The following RALYL variants were observed in gnomAD, a reference collection of about 807,000 sequenced individuals.
The protein encoded by RALYL is RALY RNA binding protein like, also known as RNA-binding Raly-like protein.
A neutral mutation model predicts 35.1 loss-of-function variants in RALYL; 29 were observed. That is an observed-to-expected ratio of 0.83 (90% confidence interval 0.61 to 1.13). The LOEUF is 1.13. RALYL is among the 50% of genes most tolerant of loss of function. RALYL has a pLI of 0.00. For missense variants in RALYL, 359 were observed against 360.4 expected, an observed-to-expected ratio of 1.00 and a Z score of 0.03; for synonymous variants, 120 against 127.6, an observed-to-expected ratio of 0.94 and a Z score of 0.40.
In RALYL at chr8:84,620,546, C is replaced by T. The variant is rs529399091; in HGVS notation, c.256+90969C>T. On this transcript the variant is annotated intron_variant, in intron 2 of 8. Coordinates refer to ENST00000521268, the MANE Select transcript of RALYL (RefSeq NM_173848.7). ...TCTTTGCCTTTGGTTTGAATGTCCTCCCGTAGCTCAGAGTAATTTGATCAT... is the reference window on the plus strand; with the variant it reads ...TCTTTGCCTTTGGTTTGAATGTCCTTCCGTAGCTCAGAGTAATTTGATCAT... 5.1e-4 allele frequency among the ~76,000 whole-genome samples: 77 copies of T among 152,232 alleles called. 1 individual carries two copies. In the East Asian group the frequency reaches 0.013, roughly 26 times the overall value.
rs183286648 is a variant in RALYL, at chr8:84,612,549, A to G, written c.256+82972A>G. On this transcript the variant is annotated intron_variant, in intron 2 of 8. Coordinates refer to ENST00000521268, the MANE Select transcript of RALYL (RefSeq NM_173848.7). ...GAAAATAGATCCAGCCTGTTACTCTACTCCAGAAGAGAGATGTGCAAGGAC... is the reference window on the plus strand; with the variant it reads ...GAAAATAGATCCAGCCTGTTACTCTGCTCCAGAAGAGAGATGTGCAAGGAC... 9.6e-4 allele frequency among the ~76,000 whole-genome samples: 146 copies of G among 151,932 alleles called. 1 individual carries two copies. Among genetic ancestry groups the G allele is most frequent in the African/African-American group, 3.3e-3 (137 of 41,366 alleles).
intron 4 of RALYL, among the ~76,000 whole-genome samples, chr8:84,840,348 C>T (rs1832960243): frequency 6.6e-6 from 1 of 151,976 alleles, no homozygotes; most frequent in Non-Finnish European, 1.5e-5. Flanking sequence ...CCGATTTGAT[C>T]AACTGGAAGA....
At chr8:84,512,740 G>T (rs1372517350) in intron 1 of RALYL, among the ~76,000 whole-genome samples, 1 of 152,116 alleles carries the variant, frequency 6.6e-6, no homozygotes. Context: ...TCATACTTCT[G>T]CATATGGATG....
intron 2 of RALYL, among the ~76,000 whole-genome samples, chr8:84,724,424 A>G (rs1207283885): frequency 6.6e-6 from 1 of 151,844 alleles, no homozygotes; most frequent in East Asian, 1.9e-4. Flanking sequence ...TTTGTTAAAG[A>G]TATTTGGCTA....
intron 1 of RALYL, among the ~76,000 whole-genome samples, chr8:84,347,065 G>T (rs1016758416): frequency 3.3e-5 from 5 of 151,898 alleles, no homozygotes; most frequent in African/African-American, 1.2e-4. Flanking sequence ...GCCAGGCTTG[G>T]TAACAGGTGC....
chr8:84,823,040 T>C (rs1828862475), intron 4 of RALYL, among the ~76,000 whole-genome samples: 1 of 152,172 alleles, frequency 6.6e-6, no homozygotes, highest in African/African-American at 2.4e-5. Flanking sequence ...AATCAATGAA[T>C]TGTTTTTACC....
At chr8:84,839,680 T>C (rs1021460520) in intron 4 of RALYL, among the ~76,000 whole-genome samples, 1 of 152,168 alleles carries the variant, frequency 6.6e-6, no homozygotes, top group Admixed American at 6.5e-5. Flanking sequence ...CTTAAGTGGG[T>C]CCCTGACCCC....
intron 1 of RALYL, among the ~76,000 whole-genome samples, chr8:84,333,894 T>A (rs932601485): frequency 1.3e-5 from 2 of 152,110 alleles, no homozygotes; most frequent in Non-Finnish European, 1.5e-5. Flanking sequence ...ACTTGTTTTT[T>A]TCCCCCCTTG....
chr8:84,359,317 A>C (rs774501594), intron 1 of RALYL, among the ~76,000 whole-genome samples: 9 of 151,920 alleles, frequency 5.9e-5, no homozygotes, highest in Non-Finnish European at 1.2e-4. Flanking sequence ...GAATTAGCAT[A>C]AACCACTTTT....
intron 1 of RALYL, among the ~76,000 whole-genome samples, chr8:84,464,132 T>A (rs901840480): frequency 9.6e-6 from 1 of 104,656 alleles, no homozygotes; most frequent in Non-Finnish European, 2.0e-5. Flanking sequence ...TTAAAACAAG[T>A]TTTTTTTTTG....
chr8:84,617,265 C>G (rs1272728566), intron 2 of RALYL, among the ~76,000 whole-genome samples: 1 of 151,700 alleles, frequency 6.6e-6, no homozygotes, highest in Non-Finnish European at 1.5e-5. Context: ...TCTTTTATTT[C>G]CTTGAGCAGT....
intron 1 of RALYL, among the ~76,000 whole-genome samples, chr8:84,224,775 G>T (rs1429506831): frequency 6.6e-6 from 1 of 151,694 alleles, no homozygotes; most frequent in Non-Finnish European, 1.5e-5. Context: ...TCCTGCCTCA[G>T]CCTCCTGAGT....
intron 1 of RALYL, among the ~76,000 whole-genome samples, chr8:84,318,835 T>C (rs1485282762): frequency 6.6e-6 from 1 of 152,160 alleles, no homozygotes; most frequent in Admixed American, 6.5e-5. Flanking sequence ...GTCCATTAGT[T>C]TCAATATCTG....
At chr8:84,501,081 T>C (rs1365627721) in intron 1 of RALYL, among the ~76,000 whole-genome samples, 4 of 152,150 alleles carry the variant, frequency 2.6e-5, no homozygotes, top group African/African-American at 9.6e-5. Context: ...CATTTACATA[T>C]GGAATTCTTA....
At chr8:84,910,760 C>A (rs1480668950) in intron 8 of RALYL, among the ~76,000 whole-genome samples, 1 of 151,676 alleles carries the variant, frequency 6.6e-6, no homozygotes, top group East Asian at 1.9e-4. Flanking sequence ...AAAATATCAT[C>A]TGTTTTTTTA....
intron 8 of RALYL, chr8:84,906,911 A>G: frequency 1.0e-6 from 1 of 982,312 alleles, no homozygotes; most frequent in South Asian, 4.7e-5. Flanking sequence ...TCCCTTCTAA[A>G]CCTTCGCTGT....
At chr8:84,197,520 C>G (rs1815621635) in intron 1 of RALYL, among the ~76,000 whole-genome samples, 1 of 152,160 alleles carries the variant, frequency 6.6e-6, no homozygotes, top group Admixed American at 6.5e-5. Context: ...ACAACCAACA[C>G]TTATTTAGTA....
intron 1 of RALYL, among the ~76,000 whole-genome samples, chr8:84,502,563 T>G (rs1173110600): frequency 6.6e-6 from 1 of 152,120 alleles, no homozygotes; most frequent in Non-Finnish European, 1.5e-5. Context: ...TAAAAAAGGT[T>G]TCTTTGTAAA....
intron 1 of RALYL, among the ~76,000 whole-genome samples, chr8:84,389,450 T>C (rs1337881018): frequency 2.0e-5 from 3 of 151,924 alleles, no homozygotes; most frequent in Non-Finnish European, 2.9e-5. Flanking sequence ...GCCACTTTCA[T>C]GATATTGATT....
Sources: allele counts gnomAD v4.1 joint callset (sites outside exome capture counted in the v4.1 genomes callset), GRCh38; gene constraint gnomAD v4.1.1; transcripts MANE v1.5; gene names NCBI Gene and HGNC (gene_info 2026-07-23, HGNC 2026-07-21).